SLMAP: variants seen among roughly 807,000 people sequenced by gnomAD.
SLMAP encodes the protein sarcolemmal membrane-associated protein.
In SLMAP, 44 loss-of-function variants were observed where a neutral mutation model predicts 128.8. The ratio of observed to expected loss-of-function variants is 0.34; its 90% CI spans 0.27 to 0.44. SLMAP has a LOEUF of 0.44. SLMAP is among the 20% of genes least tolerant of loss of function. The pLI is 1.00. For missense variants in SLMAP, 787 were observed against 985.3 expected, an observed-to-expected ratio of 0.80 and a Z score of 2.69; for synonymous variants, 327 against 348.8, an observed-to-expected ratio of 0.94 and a Z score of 0.70.
chr3:57,832,770 TG>T (rs1241626908), intron 3 of SLMAP, among the ~76,000 whole-genome samples: 2 of 152,200 alleles, frequency 1.3e-5, no homozygotes, highest in Non-Finnish European at 2.9e-5. Flanking sequence ...TTATTTTTAA[TG>T]GGTTTTTTTG....
chr3:57,794,497 T>G (rs2086250152), intron 2 of SLMAP, among the ~76,000 whole-genome samples: 1 of 152,236 alleles, frequency 6.6e-6, no homozygotes, highest in South Asian at 2.1e-4. Flanking sequence ...CTTTAGTATA[T>G]TCACAAAATT....
chr3:57,766,165 A>ATTTTTTTT lies in SLMAP; in HGVS notation c.198+8333_198+8340dup, dbSNP rs869169620. On this transcript the variant is annotated intron_variant, in intron 2 of 24. Coordinates refer to ENST00000671191, the MANE Select transcript of SLMAP (RefSeq NM_001377540.1). ...AGGCGCCTACCACCACACCCGGCTAATTTTTTTTTTTTTTTTTTTTTTTTG... is the reference window on the plus strand; with the variant it reads ...AGGCGCCTACCACCACACCCGGCTAATTTTTTTTTTTTTTTTTTTTTTTTTTTTTTTTG... Among the ~76,000 whole-genome samples the ATTTTTTTT allele has an allele frequency of 7.8e-3, 671 of 85,638 alleles. 4 individuals are homozygous for ATTTTTTTT. Among genetic ancestry groups the ATTTTTTTT allele is most frequent in the Middle Eastern group, 0.019 (2 of 106 alleles). 56.2% of individuals were successfully genotyped at this position (85,638 alleles called of 152,430 possible). A position where few individuals can be genotyped will look rare whatever the true frequency, so the allele number is the denominator to read the frequency against.
chr3:57,903,213 T>C (rs2096438888), intron 17 of SLMAP, among the ~76,000 whole-genome samples: 1 of 152,064 alleles, frequency 6.6e-6, no homozygotes, highest in Non-Finnish European at 1.5e-5. Context: ...GGGGTAAGAA[T>C]TGACAATAAG....
chr3:57,926,703 T>C (rs2097015653), intron 24 of SLMAP, among the ~76,000 whole-genome samples: 2 of 152,254 alleles, frequency 1.3e-5, no homozygotes, highest in African/African-American at 4.8e-5. Flanking sequence ...TATGCGGTGA[T>C]CATGTGGCTT....
At chr3:57,796,545 T>G (rs2086779467) in intron 2 of SLMAP, among the ~76,000 whole-genome samples, 1 of 152,208 alleles carries the variant, frequency 6.6e-6, no homozygotes, top group Admixed American at 6.5e-5. Context: ...ATAAAGCACT[T>G]AGAATATCTG....
chr3:57,857,723 G>T lies in SLMAP; in HGVS notation c.520-10G>T. 1 of 1,583,902 alleles carries T rather than the reference G, an allele frequency of 6.3e-7. No homozygotes were observed. Among genetic ancestry groups the T allele is most frequent in the Non-Finnish European group, 8.7e-7 (1 of 1,153,054 alleles). On this transcript the variant is annotated splice_polypyrimidine_tract_variant and intron_variant, in intron 6 of 24. Coordinates refer to ENST00000671191, the MANE Select transcript of SLMAP (RefSeq NM_001377540.1). ...CTTATTAGAATCTGTTTTGTGATTT[G>T]TAATACTAGGAGGCCTTACATCGGG... is the stretch of plus-strand genomic sequence containing the variant.
Position 57,923,122 on chromosome 3 carries a change from G to A in SLMAP, c.2445+99G>A. 4 of 1,094,186 alleles carry A rather than the reference G, an allele frequency of 3.7e-6. No individual in the cohort carries two copies. The South Asian group carries it at 4.4e-5, about 12-fold the overall frequency. 67.8% of individuals were successfully genotyped at this position (1,094,186 alleles called of 1,614,324 possible). A position where few individuals can be genotyped will look rare whatever the true frequency, so the allele number is the denominator to read the frequency against. On this transcript the variant is annotated intron_variant, in intron 23 of 24. Coordinates refer to ENST00000671191, the MANE Select transcript of SLMAP (RefSeq NM_001377540.1). Reference sequence around the variant, plus strand: ...TTATCACTGATTTGTGAAGCAAATGGTACAGATGAAATAGGCTTTTCATTA... The same window carrying A: ...TTATCACTGATTTGTGAAGCAAATGATACAGATGAAATAGGCTTTTCATTA...
At chr3:57,803,113 C>G (rs916946089) in intron 2 of SLMAP, among the ~76,000 whole-genome samples, 1 of 151,822 alleles carries the variant, frequency 6.6e-6, no homozygotes, top group Non-Finnish European at 1.5e-5. Context: ...TAAAACCAAG[C>G]GAAGGCAAAT....
intron 9 of SLMAP, among the ~76,000 whole-genome samples, chr3:57,861,060 C>G (rs1027507106): frequency 6.6e-6 from 1 of 152,110 alleles, no homozygotes; most frequent in Non-Finnish European, 1.5e-5. Flanking sequence ...AAAAGCGTAA[C>G]CAGGGAATCT....
At chr3:57,896,791 A>T in intron 16 of SLMAP, 82 bp from the exon 17 acceptor site, 1 of 1,471,220 alleles carries the variant, frequency 6.8e-7, no homozygotes, top group Non-Finnish European at 9.1e-7. Context: ...ATCAATTCCA[A>T]TTGTTTGTTT....
At chr3:57,811,045 A>G (rs1203092285) in intron 2 of SLMAP, among the ~76,000 whole-genome samples, 1 of 152,214 alleles carries the variant, frequency 6.6e-6, no homozygotes, top group Non-Finnish European at 1.5e-5. Flanking sequence ...AGGCTCATAT[A>G]TCCAGCTGCC....
chr3:57,927,349 C>A lies in SLMAP; in HGVS notation c.*60C>A. 1 of 1,604,570 alleles carries A rather than the reference C, an allele frequency of 6.2e-7. No individual in the cohort carries two copies. The highest frequency in any genetic ancestry group is 2.2e-5 in the East Asian group (1 of 44,702). ...CTGCCCTGGTTGCAGTAACAGCCAT[C>A]GTGCTGTACGTGCCAGGTCTGGCCA... On this transcript the variant is annotated 3_prime_UTR_variant, in exon 25 of 25. Transcript: ENST00000671191.
At chr3:57,842,635 G>A (rs1164629696) in intron 4 of SLMAP, among the ~76,000 whole-genome samples, 1 of 152,074 alleles carries the variant, frequency 6.6e-6, no homozygotes, top group Non-Finnish European at 1.5e-5. Flanking sequence ...GTGTTCTCAG[G>A]TTCCATCTAG....
At chr3:57,868,854 ATATAT>A (rs928943153) in intron 13 of SLMAP, among the ~76,000 whole-genome samples, 3 of 137,370 alleles carry the variant, frequency 2.2e-5, no homozygotes, top group Non-Finnish European at 3.0e-5. Context: ...ATATAAAAAT[ATATAT>A]TATATATGTG....
At chr3:57,877,939 A>G (rs964854435) in intron 14 of SLMAP, among the ~76,000 whole-genome samples, 18 of 149,808 alleles carry the variant, frequency 1.2e-4, no homozygotes, top group African/African-American at 4.2e-4. Flanking sequence ...GGTTCGAGCA[A>G]TTCTCCTGCC....
chr3:57,820,787 A>T (rs762823151), intron 2 of SLMAP, among the ~76,000 whole-genome samples: 1 of 152,060 alleles, frequency 6.6e-6, no homozygotes, highest in Non-Finnish European at 1.5e-5. Flanking sequence ...CGTCCTCCAT[A>T]TCCAGGTTTT....
At chr3:57,769,492 T>TGGATTTTTTTTTTTAAGACACAAGGTC (rs2080394901) in intron 2 of SLMAP, among the ~76,000 whole-genome samples, 1 of 151,818 alleles carries the variant, frequency 6.6e-6, no homozygotes, top group Non-Finnish European at 1.5e-5. Context: ...CGCGCCCGGC[T>TGGATTTTTTTTTTTAAGACACAAGGTC]GGATTTTTTT....
intron 2 of SLMAP, among the ~76,000 whole-genome samples, chr3:57,828,651 CAGA>C (rs1268353883): frequency 6.6e-5 from 10 of 152,194 alleles, no homozygotes; most frequent in East Asian, 1.9e-4. Flanking sequence ...AGGTTGAAAG[CAGA>C]AGAAGAACGA....
At chr3:57,769,977 A>G (rs1043142984) in intron 2 of SLMAP, among the ~76,000 whole-genome samples, 24 of 152,220 alleles carry the variant, frequency 1.6e-4, no homozygotes, top group African/African-American at 5.8e-4. Flanking sequence ...TCAGTTCAGC[A>G]TAAGATTGAT....
Sources: gnomAD v4.1 joint callset for allele counts (sites outside exome capture counted in the v4.1 genomes callset) on GRCh38, gnomAD v4.1.1 for gene constraint, MANE v1.5 for transcripts, NCBI Gene and HGNC (gene_info 2026-07-23, HGNC 2026-07-21) for gene names.